The following C8orf34 variants were observed in gnomAD, a reference collection of about 807,000 sequenced individuals.
C8orf34 encodes uncharacterized protein C8orf34.
In C8orf34, 65 loss-of-function variants were observed where a neutral mutation model predicts 68.3. The ratio of observed to expected loss-of-function variants is 0.95; its 90% confidence interval spans 0.78 to 1.17. The LOEUF is 1.17. C8orf34 is among the 50% of genes most tolerant of loss of function. The pLI, the probability that C8orf34 is intolerant of heterozygous loss-of-function variation, is 0.00. For missense variants in C8orf34, 664 were observed against 655.4 expected, an observed-to-expected ratio of 1.01 and a Z score of -0.14; for synonymous variants, 244 against 241.2, an observed-to-expected ratio of 1.01 and a Z score of -0.11.
At chr8:68,477,319 A>G (rs959482567) in intron 4 of C8orf34, among the ~76,000 whole-genome samples, 3 of 152,216 alleles carry the variant, frequency 2.0e-5, no homozygotes, top group Non-Finnish European at 4.4e-5. Flanking sequence ...TATTTTACCA[A>G]TCACTCTTGG....
intron 7 of C8orf34, among the ~76,000 whole-genome samples, chr8:68,565,646 C>T (rs183020617): frequency 6.6e-6 from 1 of 152,084 alleles, no homozygotes; most frequent in Non-Finnish European, 1.5e-5. Context: ...AGTTTTCTAA[C>T]CTCAGTGAAA....
At chr8:68,428,390 G>C (rs1390006264) in intron 1 of C8orf34, among the ~76,000 whole-genome samples, 1 of 151,844 alleles carries the variant, frequency 6.6e-6, no homozygotes, top group Non-Finnish European at 1.5e-5. Context: ...AGAGTTACAA[G>C]ACACAACAAT....
At chr8:68,555,460 A>C (rs141438826) in intron 7 of C8orf34, among the ~76,000 whole-genome samples, 1 of 152,208 alleles carries the variant, frequency 6.6e-6, no homozygotes, top group Non-Finnish European at 1.5e-5. Flanking sequence ...AACTTTTTTA[A>C]CGTACATGTC....
At chr8:68,479,106 T>C (rs1282392510) in intron 4 of C8orf34, among the ~76,000 whole-genome samples, 3 of 152,116 alleles carry the variant, frequency 2.0e-5, no homozygotes, top group Non-Finnish European at 4.4e-5. Flanking sequence ...GCAATTTGAC[T>C]TGATAATCAG....
At chr8:68,463,178 C>A (rs1455547869) in intron 3 of C8orf34, among the ~76,000 whole-genome samples, 2 of 152,172 alleles carry the variant, frequency 1.3e-5, no homozygotes, top group Non-Finnish European at 2.9e-5. Flanking sequence ...CGCAAATAAA[C>A]TAGAAAATCT....
At chr8:68,382,150 T>A (rs1186160670) in intron 1 of C8orf34, among the ~76,000 whole-genome samples, 1 of 152,234 alleles carries the variant, frequency 6.6e-6, no homozygotes, top group African/African-American at 2.4e-5. Context: ...ATATTTATAT[T>A]TTGCATCTTT....
chr8:68,646,672 C>A (rs946687423), intron 8 of C8orf34, among the ~76,000 whole-genome samples: 1 of 152,088 alleles, frequency 6.6e-6, no homozygotes, highest in Non-Finnish European at 1.5e-5. Context: ...TTCTTTACTT[C>A]TATGAGTTTG....
intron 2 of C8orf34, among the ~76,000 whole-genome samples, chr8:68,442,748 C>G (rs932651058): frequency 1.3e-5 from 2 of 152,078 alleles, no homozygotes; most frequent in African/African-American, 4.8e-5. Flanking sequence ...GCAGCAATAT[C>G]AGGGAAACGA....
chr8:68,749,307 C>T (rs1041045384), intron 10 of C8orf34, among the ~76,000 whole-genome samples: 3 of 151,938 alleles, frequency 2.0e-5, no homozygotes, highest in African/African-American at 7.3e-5. Flanking sequence ...TTAGAGGGTG[C>T]AGTGCACCAG....
At chr8:68,668,585 A>T (rs552925426) in intron 8 of C8orf34, among the ~76,000 whole-genome samples, 43 of 152,206 alleles carry the variant, frequency 2.8e-4, no homozygotes, top group Non-Finnish European at 4.4e-4. Flanking sequence ...TGAGTAAAAG[A>T]TCGGACAAGA....
rs1013679530 is a variant in C8orf34 at position 68,435,800 on chromosome 8, T to C, written c.328-3699T>C. ...TATAGCTCAAGCACTTAATGAGTGCTTTGTAGTCGTTATCTTATTTAATCT... is the reference window on the plus strand; with the variant it reads ...TATAGCTCAAGCACTTAATGAGTGCCTTGTAGTCGTTATCTTATTTAATCT... On this transcript the variant is annotated intron_variant, in intron 1 of 13. Transcript: ENST00000518698. 3.9e-5 allele frequency among the ~76,000 whole-genome samples: 6 copies of C among 152,190 alleles called. No individual in the cohort carries two copies. In the South Asian group the frequency reaches 1.2e-3, roughly 32 times the overall value.
intron 1 of C8orf34, among the ~76,000 whole-genome samples, chr8:68,381,451 G>A (rs759569746): frequency 2.1e-4 from 32 of 152,144 alleles, no homozygotes; most frequent in Middle Eastern, 3.2e-3. Flanking sequence ...GGTATATTAA[G>A]GCCGGGCGCG....
intron 8 of C8orf34, among the ~76,000 whole-genome samples, chr8:68,640,986 T>C (rs139527424): frequency 1.7e-3 from 253 of 152,336 alleles, no homozygotes; most frequent in African/African-American, 5.5e-3. Flanking sequence ...AAGCAATCTT[T>C]GCATATACTG....
In C8orf34 at chr8:68,741,570, T is replaced by G. The variant is rs78780524; in HGVS notation, c.1404+20133T>G. Among the ~76,000 whole-genome samples the G allele has an allele frequency of 7.8e-3, 1,183 of 152,304 alleles. 18 individuals carry two copies. The highest frequency in any genetic ancestry group is 0.027 in the African/African-American group (1,121 of 41,558). The stretch of plus-strand genomic sequence containing the variant: ...AATACTAGGTCTTATTCTTTTGAAC[T>G]ATATTTTTGAACCCATTAAATTATC... On this transcript the variant is annotated intron_variant, in intron 10 of 13. Transcript: ENST00000518698.
Position 68,478,740 on chromosome 8 carries a change from G to C in C8orf34, c.737-9283G>C, listed in dbSNP as rs150602520. ...GGCAGGAGAGAGAATGAAAGTGAAG[G>C]GGGATGAGCCTCTTATAAAACCATC... On this transcript the variant is annotated intron_variant, in intron 4 of 13. Coordinates refer to ENST00000518698, the MANE Select transcript of C8orf34 (RefSeq NM_052958.4). Among the ~76,000 whole-genome samples the C allele has an allele frequency of 4.9e-3, 748 of 152,272 alleles. 14 individuals carry two copies. The highest frequency in any genetic ancestry group is 0.016 in the African/African-American group (683 of 41,556).
chr8:68,612,827 TC>T (rs1388469741), intron 7 of C8orf34, among the ~76,000 whole-genome samples: 1 of 152,164 alleles, frequency 6.6e-6, no homozygotes, highest in African/African-American at 2.4e-5. Flanking sequence ...CTGACATGGT[TC>T]TTTTTGAGAA....
intron 4 of C8orf34, among the ~76,000 whole-genome samples, chr8:68,478,893 A>G (rs1030972240): frequency 1.3e-5 from 2 of 152,222 alleles, no homozygotes; most frequent in African/African-American, 4.8e-5. Flanking sequence ...TTACAATTTG[A>G]GATGAGATTT....
intron 7 of C8orf34, among the ~76,000 whole-genome samples, chr8:68,562,536 A>G (rs1490727259): frequency 6.6e-6 from 1 of 152,216 alleles, no homozygotes; most frequent in African/African-American, 2.4e-5. Context: ...TCCAACAAGC[A>G]CAGTTACTTA....
intron 10 of C8orf34, among the ~76,000 whole-genome samples, chr8:68,747,280 A>C (rs1358146129): frequency 2.0e-5 from 3 of 150,926 alleles, no homozygotes; most frequent in Non-Finnish European, 4.5e-5. Context: ...CCAATATCAT[A>C]CTGAATGGGC....
Sources: gnomAD v4.1 joint callset for allele counts (sites outside exome capture counted in the v4.1 genomes callset) on GRCh38, gnomAD v4.1.1 for gene constraint, MANE v1.5 for transcripts, NCBI Gene and HGNC (gene_info 2026-07-23, HGNC 2026-07-21) for gene names.